NELL1: variants seen among roughly 807,000 people sequenced by gnomAD.
NELL1 encodes the protein protein kinase C-binding protein NELL1.
NELL1 carries 76 observed loss-of-function variants against 107.4 expected under a neutral mutation model. That is an observed-to-expected ratio of 0.71 (90% confidence interval 0.59 to 0.86). The LOEUF is 0.86. Among genes scored for constraint, NELL1 ranks in the 40% least tolerant of loss-of-function variants. NELL1 has a pLI of 0.00. For synonymous variants in NELL1, 353 were observed against 341.2 expected (o/e 1.03, Z -0.38); for missense variants, 1,024 against 1,005.5 (o/e 1.02, Z -0.25).
intron 15 of NELL1, among the ~76,000 whole-genome samples, chr11:21,485,091 G>A (rs1854592234): frequency 6.6e-6 from 1 of 152,110 alleles, no homozygotes; most frequent in African/African-American, 2.4e-5. Context: ...TCCTAGCCAT[G>A]GAAAAGCTCC....
At chr11:21,454,582 A>G (rs1475591441) in intron 15 of NELL1, among the ~76,000 whole-genome samples, 1 of 152,238 alleles carries the variant, frequency 6.6e-6, no homozygotes, top group East Asian at 1.9e-4. Flanking sequence ...AATGAAAAAG[A>G]ATACATCTCT....
At chr11:21,014,393 A>G (rs1299943885) in intron 12 of NELL1, among the ~76,000 whole-genome samples, 1 of 152,106 alleles carries the variant, frequency 6.6e-6, no homozygotes. Flanking sequence ...ACTAACTGGG[A>G]AAGATCCTTT....
intron 12 of NELL1, among the ~76,000 whole-genome samples, chr11:21,033,358 G>A (rs1853007979): frequency 6.6e-6 from 1 of 152,068 alleles, no homozygotes; most frequent in African/African-American, 2.4e-5. Context: ...GTACTCAATA[G>A]TTATTTTTTC....
At chr11:20,680,145 C>G (rs1202836266) in intron 2 of NELL1, among the ~76,000 whole-genome samples, 1 of 152,046 alleles carries the variant, frequency 6.6e-6, no homozygotes, top group Non-Finnish European at 1.5e-5. Context: ...ATAATCTCCC[C>G]CATCTCAATA....
At chr11:21,413,818 A>G (rs1852437591) in intron 15 of NELL1, among the ~76,000 whole-genome samples, 1 of 152,066 alleles carries the variant, frequency 6.6e-6, no homozygotes, top group South Asian at 2.1e-4. Context: ...ACCTGTCACA[A>G]TTTGAATCAA....
chr11:21,090,672 A>C (rs1396165366), intron 12 of NELL1, among the ~76,000 whole-genome samples: 1 of 152,170 alleles, frequency 6.6e-6, no homozygotes, highest in Non-Finnish European at 1.5e-5. Context: ...CTTACTTTTC[A>C]CTTATTTTTA....
intron 14 of NELL1, among the ~76,000 whole-genome samples, chr11:21,319,677 C>T (rs1016673794): frequency 1.3e-5 from 2 of 150,418 alleles, no homozygotes; most frequent in African/African-American, 4.9e-5. Flanking sequence ...GGGCTAGGTG[C>T]GGTGGCTCAT....
chr11:20,946,226 C>T (rs894009514), intron 10 of NELL1, among the ~76,000 whole-genome samples: 1 of 152,158 alleles, frequency 6.6e-6, no homozygotes, highest in African/African-American at 2.4e-5. Context: ...CTTGACTATA[C>T]ACCTTCATCC....
chr11:21,350,001 C>T (rs1184226678), intron 14 of NELL1, among the ~76,000 whole-genome samples: 2 of 152,032 alleles, frequency 1.3e-5, no homozygotes, highest in Admixed American at 6.6e-5. Flanking sequence ...TCCAACATAG[C>T]CAATAATTTT....
intron 13 of NELL1, among the ~76,000 whole-genome samples, chr11:21,137,222 G>A (rs997559914): frequency 1.3e-5 from 2 of 152,224 alleles, no homozygotes; most frequent in African/African-American, 2.4e-5. Flanking sequence ...AAATAAGGAT[G>A]AAAAAGTGTT....
chr11:21,398,111 C>T (rs896976519), intron 15 of NELL1, among the ~76,000 whole-genome samples: 1 of 151,376 alleles, frequency 6.6e-6, no homozygotes, highest in South Asian at 2.1e-4. Flanking sequence ...TATTTTTTAA[C>T]TTTGTTAATG....
At chr11:21,393,659 T>G (rs1284970169) in intron 15 of NELL1, among the ~76,000 whole-genome samples, 1 of 151,750 alleles carries the variant, frequency 6.6e-6, no homozygotes, top group Non-Finnish European at 1.5e-5. Flanking sequence ...CTCTCAGATG[T>G]GCTTATTTTC....
intron 3 of NELL1, among the ~76,000 whole-genome samples, chr11:20,793,326 A>C (rs909005050): frequency 6.6e-6 from 1 of 151,818 alleles, no homozygotes; most frequent in African/African-American, 2.4e-5. Context: ...TTACTTAATA[A>C]AATTTTTATA....
At chr11:21,374,176 AT>A (rs143766665) in intron 15 of NELL1, among the ~76,000 whole-genome samples, 142 of 150,494 alleles carry the variant, frequency 9.4e-4, no homozygotes, top group African/African-American at 3.2e-3. Flanking sequence ...ACTTTTTTCT[AT>A]TTTTTTTTAG....
intron 10 of NELL1, among the ~76,000 whole-genome samples, chr11:20,944,992 T>C (rs181036018): frequency 6.6e-6 from 1 of 152,278 alleles, no homozygotes; most frequent in East Asian, 1.9e-4. Context: ...CAATTTGGAA[T>C]ATAGAGGGGA....
intron 12 of NELL1, among the ~76,000 whole-genome samples, chr11:21,018,066 C>T (rs1473111729): frequency 2.0e-5 from 3 of 152,066 alleles, no homozygotes; most frequent in Non-Finnish European, 2.9e-5. Context: ...CACAATTTGT[C>T]GCATTTGGAG....
chr11:21,481,001 T>G lies in NELL1; in HGVS notation c.1646-53373T>G, dbSNP rs1184035535. Reference sequence around the variant, plus strand: ...GTCACTTAACCGGATTACTAGTCACTTTACCTCAGTTTATTCCTCAATAAA... The same window carrying G: ...GTCACTTAACCGGATTACTAGTCACGTTACCTCAGTTTATTCCTCAATAAA... On this transcript the variant is annotated intron_variant, in intron 15 of 19. Coordinates refer to ENST00000357134, the MANE Select transcript of NELL1 (RefSeq NM_006157.5). Among the ~76,000 whole-genome samples the G allele has an allele frequency of 2.6e-5, 4 of 152,294 alleles. No homozygotes were observed. In the East Asian group the frequency reaches 5.8e-4, roughly 22 times the overall value.
chr11:21,467,641 A>T (rs1480023125), intron 15 of NELL1, among the ~76,000 whole-genome samples: 2 of 152,002 alleles, frequency 1.3e-5, no homozygotes, highest in Non-Finnish European at 2.9e-5. Flanking sequence ...ATATAAATTC[A>T]TTTCCTTATA....
At chr11:20,993,892 CA>C (rs66593988) in intron 12 of NELL1, among the ~76,000 whole-genome samples, 38,622 of 124,512 alleles carry the variant, frequency 0.31, 5,427 homozygotes, top group East Asian at 0.39. Flanking sequence ...TCTTTGTTGC[CA>C]AAAAAAAAAA....
Sources: allele counts gnomAD v4.1 joint callset (sites outside exome capture counted in the v4.1 genomes callset), GRCh38; gene constraint gnomAD v4.1.1; transcripts MANE v1.5; gene names NCBI Gene and HGNC (gene_info 2026-07-23, HGNC 2026-07-21).